The following TENM2 variants were observed in gnomAD, a reference collection of about 807,000 sequenced individuals.
The protein encoded by TENM2 is teneurin transmembrane protein 2, also known as teneurin-2.
Under a neutral mutation model 245.2 loss-of-function variants are expected in TENM2, and 52 were observed. That is an observed-to-expected ratio of 0.21 (90% confidence interval 0.17 to 0.27). TENM2 has a LOEUF of 0.27. Ranked by LOEUF, TENM2 falls within the 10% of genes least tolerant of loss-of-function variation. TENM2 has a pLI of 1.00. For synonymous variants in TENM2, 1,363 were observed against 1,438.9 expected, an observed-to-expected ratio of 0.95 and a Z score of 1.19; for missense variants, 3,046 against 3,666.8, an observed-to-expected ratio of 0.83 and a Z score of 4.37.
In TENM2 at chr5:167,308,677, T is replaced by A. The variant is rs1755829114; in HGVS notation, c.226+23614T>A. On this transcript the variant is annotated intron_variant, in intron 1 of 28. Coordinates refer to ENST00000518659, the Ensembl canonical transcript of TENM2. ...TCCAGCTGTGAATTCTGCTTATCACTTGGCTGGATGCAGCATTGCTTGTGG... is the reference window on the plus strand; with the variant it reads ...TCCAGCTGTGAATTCTGCTTATCACATGGCTGGATGCAGCATTGCTTGTGG... Among the ~76,000 whole-genome samples, 5 of 152,164 alleles carry A rather than the reference T, an allele frequency of 3.3e-5. No individual in the cohort carries two copies. In the South Asian group the frequency reaches 1.0e-3, roughly 31 times the overall value.
intron 25 of TENM2, among the ~76,000 whole-genome samples, chr5:168,237,989 A>G (rs1289029449): frequency 1.3e-5 from 2 of 149,384 alleles, no homozygotes; most frequent in African/African-American, 5.1e-5. Flanking sequence ...AAAAAAATAC[A>G]AAAAAATTAG....
intron 2 of TENM2, among the ~76,000 whole-genome samples, chr5:167,798,497 A>G (rs1434455770): frequency 6.6e-6 from 1 of 152,194 alleles, no homozygotes; most frequent in Admixed American, 6.5e-5. Context: ...TTAGGGAAGA[A>G]GGCTGGTGGG....
chr5:167,173,406 A>G, the TENM2 span, among the ~76,000 whole-genome samples: 1 of 152,168 alleles, frequency 6.6e-6, no homozygotes, highest in African/African-American at 2.4e-5. Context: ...ATCCTGACCC[A>G]TACCTGTAGA....
At position 168,062,282 on chromosome 5, in the gene TENM2, T is replaced by C; in HGVS notation, c.1515+17T>C. The C allele has an allele frequency of 6.2e-7, 1 of 1,609,152 alleles. No homozygotes were observed. ...CATGCCCAGGTATGACCATGTTTGA[T>C]GTAATCAAGCATTTAAAAAAATATA... is the stretch of plus-strand genomic sequence containing the variant. On this transcript the variant is annotated intron_variant, in intron 7 of 28. Transcript: ENST00000518659.
the TENM2 span, among the ~76,000 whole-genome samples, chr5:166,990,778 T>C: frequency 6.6e-6 from 1 of 152,244 alleles, no homozygotes; most frequent in African/African-American, 2.4e-5. Context: ...AATAGTTTAC[T>C]TTCTATTCTA....
intron 3 of TENM2, among the ~76,000 whole-genome samples, chr5:167,910,087 T>G (rs550515791): frequency 6.6e-6 from 1 of 152,174 alleles, no homozygotes; most frequent in Non-Finnish European, 1.5e-5. Context: ...GTAATTTATC[T>G]ATCTACAATG....
intron 2 of TENM2, among the ~76,000 whole-genome samples, chr5:167,727,672 C>T (rs1274738971): frequency 6.6e-6 from 1 of 152,218 alleles, no homozygotes; most frequent in Non-Finnish European, 1.5e-5. Context: ...AAGAACACTG[C>T]TAGATACTTT....
rs1436820931 is a variant in TENM2, at chr5:167,449,085, TTTAAA to T, written c.502+73617_502+73621del. Among the ~76,000 whole-genome samples, 4 of 152,208 alleles carry T rather than the reference TTTAAA, an allele frequency of 2.6e-5. No homozygotes were observed. The South Asian group carries it at 6.2e-4, about 24-fold the overall frequency. On this transcript the variant is annotated intron_variant, in intron 2 of 28. Transcript: ENST00000518659. Reference sequence around the variant, plus strand: ...AAATTGGTATGCAAAAATAGAAACTTTTAAATTAATTTTCCAAATAAAATTGTAAT... The same window carrying T: ...AAATTGGTATGCAAAAATAGAAACTTTTAATTTTCCAAATAAAATTGTAAT...
At chr5:167,335,768 A>G (rs535968710) in intron 1 of TENM2, among the ~76,000 whole-genome samples, 8 of 152,292 alleles carry the variant, frequency 5.3e-5, no homozygotes, top group African/African-American at 1.9e-4. Flanking sequence ...AACAAATCCA[A>G]CTAATCAAGT....
chr5:167,049,433 G>A, the TENM2 span, among the ~76,000 whole-genome samples: 1 of 152,060 alleles, frequency 6.6e-6, no homozygotes, highest in Non-Finnish European at 1.5e-5. Flanking sequence ...ATTCCTTTTT[G>A]TTACAATAGT....
intron 2 of TENM2, among the ~76,000 whole-genome samples, chr5:167,767,025 A>G (rs746699932): frequency 2.0e-5 from 3 of 152,256 alleles, no homozygotes; most frequent in East Asian, 1.9e-4. Context: ...CAATTACCAT[A>G]TGATCCAAAT....
In TENM2 at chr5:167,933,742, C is replaced by G. The variant is rs532243006; in HGVS notation, c.713-18846C>G. On this transcript the variant is annotated intron_variant, in intron 3 of 28. Transcript: ENST00000518659. ...CCAGGGATGGGATGGCCTGGGCTGA[C>G]AATGACTTCCTACCTGAGGCAAGGT... 7.7e-4 allele frequency among the ~76,000 whole-genome samples: 117 copies of G among 152,126 alleles called. 3 individuals carry two copies. The South Asian group carries it at 0.023, about 30-fold the overall frequency.
intron 2 of TENM2, among the ~76,000 whole-genome samples, chr5:167,511,371 G>A (rs1239059267): frequency 6.6e-6 from 1 of 152,118 alleles, no homozygotes; most frequent in Non-Finnish European, 1.5e-5. Flanking sequence ...CTTCTGAAAT[G>A]GAGATGCCAG....
At chr5:167,691,867 G>C (rs765043059) in intron 2 of TENM2, among the ~76,000 whole-genome samples, 51 of 152,182 alleles carry the variant, frequency 3.4e-4, no homozygotes, top group Non-Finnish European at 6.9e-4. Context: ...TCCCAAACCA[G>C]TTGGCTTTTG....
chr5:168,165,744 G>A (rs1478463438), intron 13 of TENM2: 1 of 106,648 alleles, frequency 9.4e-6, no homozygotes, highest in African/African-American at 4.3e-5. Context: ...GACAATAATG[G>A]CCTTGTTACG....
the TENM2 span, among the ~76,000 whole-genome samples, chr5:167,013,356 A>G: frequency 6.6e-6 from 1 of 152,216 alleles, no homozygotes; most frequent in Non-Finnish European, 1.5e-5. Flanking sequence ...TAAAATGTAA[A>G]GACTCTAGGG....
At chr5:167,260,341 G>C in the TENM2 span, among the ~76,000 whole-genome samples, 1 of 152,160 alleles carries the variant, frequency 6.6e-6, no homozygotes, top group Non-Finnish European at 1.5e-5. Flanking sequence ...ACTTAATGTT[G>C]TGGAATGACA....
At chr5:167,376,385 T>C (rs1760752904) in intron 2 of TENM2, among the ~76,000 whole-genome samples, 1 of 152,146 alleles carries the variant, frequency 6.6e-6, no homozygotes, top group South Asian at 2.1e-4. Flanking sequence ...TACAAATAGA[T>C]CAGTTAAGAA....
intron 2 of TENM2, among the ~76,000 whole-genome samples, chr5:167,478,873 G>A (rs1226901428): frequency 6.6e-6 from 1 of 151,952 alleles, no homozygotes; most frequent in Non-Finnish European, 1.5e-5. Context: ...ACCCCTTAAT[G>A]TTCATTGAGC....
Sources: allele counts gnomAD v4.1 joint callset (sites outside exome capture counted in the v4.1 genomes callset), GRCh38; gene constraint gnomAD v4.1.1; transcripts MANE v1.5; gene names NCBI Gene and HGNC (gene_info 2026-07-23, HGNC 2026-07-21).